The following CFAP46 variants were observed in gnomAD, a reference collection of about 807,000 sequenced individuals.
The protein encoded by CFAP46 is cilia and flagella associated protein 46, also known as cilia- and flagella-associated protein 46.
Under a neutral mutation model 325.7 loss-of-function variants are expected in CFAP46, and 245 were observed. The observed-to-expected ratio is 0.75, with a 90% CI of 0.68 to 0.84. The LOEUF (loss-of-function observed/expected upper bound fraction) is 0.84. Among genes scored for constraint, CFAP46 ranks in the 40% least tolerant of loss-of-function variants. The pLI is 0.00. For synonymous variants in CFAP46, 1,523 were observed against 1,495.9 expected (o/e 1.02, Z -0.42); for missense variants, 3,346 against 3,543.0 (o/e 0.94, Z 1.41).
intron 39 of CFAP46, among the ~76,000 whole-genome samples, chr10:132,855,036 C>G (rs1848620804): frequency 6.6e-6 from 1 of 151,970 alleles, no homozygotes; most frequent in Non-Finnish European, 1.5e-5. Context: ...ATCTTCAGGT[C>G]ATATTGGTTG....
At chr10:132,916,950 C>T (rs1225722687) in intron 16 of CFAP46, among the ~76,000 whole-genome samples, 1 of 152,222 alleles carries the variant, frequency 6.6e-6, no homozygotes, top group Non-Finnish European at 1.5e-5. Flanking sequence ...CCAGCAGCCC[C>T]GAAGGACCAA....
Position 132,827,375 on chromosome 10 carries a change from G to T in CFAP46, c.7117+5983C>A, listed in dbSNP as rs375003939. On this transcript the variant is annotated intron_variant, in intron 50 of 57. Coordinates refer to ENST00000368586, the MANE Select transcript of CFAP46 (RefSeq NM_001200049.3). The surrounding 1 kb of genome is among the most constrained non-coding windows in gnomAD (Gnocchi z 5.7). ...CTCCTGGGCCTGGAGGAGCCTCCCT[G>T]GGACACGGTGCCTGCAGGGCCCTCT... Among the ~76,000 whole-genome samples the T allele has an allele frequency of 6.7e-4, 102 of 152,256 alleles. No individual in the cohort carries two copies. The South Asian group carries it at 0.02, about 29-fold the overall frequency.
intron 8 of CFAP46, 35 bp from the exon 9 acceptor site, chr10:132,929,839 T>C (rs764111093): frequency 2.6e-6 from 4 of 1,527,146 alleles, no homozygotes; most frequent in South Asian, 1.2e-5. Flanking sequence ...ACCGGCTCAA[T>C]AGGGGGCACA....
At chr10:132,929,630 CT>C in intron 9 of CFAP46, 74 bp downstream of exon 9, 1 of 1,414,028 alleles carries the variant, frequency 7.1e-7, no homozygotes, top group Non-Finnish European at 1.0e-6. Flanking sequence ...ACTGCTCTTC[CT>C]TTCTTTGCCT....
chr10:132,894,856 T>G (rs748430104), intron 24 of CFAP46, among the ~76,000 whole-genome samples: 1 of 152,190 alleles, frequency 6.6e-6, no homozygotes, highest in Non-Finnish European at 1.5e-5. Flanking sequence ...CTATATGGCT[T>G]CATCAGTGAC....
intron 9 of CFAP46, chr10:132,929,142 T>G: frequency 3.9e-6 from 1 of 257,932 alleles, no homozygotes; most frequent in Non-Finnish European, 7.5e-6. Flanking sequence ...TATACTGTGA[T>G]TTTTCTAGAC....
chr10:132,912,429 C>G (rs1849559098), intron 19 of CFAP46, among the ~76,000 whole-genome samples: 1 of 119,810 alleles, frequency 8.3e-6, no homozygotes, highest in Non-Finnish European at 1.8e-5. Context: ...TCTCTCTCAC[C>G]TCCCTCTCTC....
intron 19 of CFAP46, 32 bp downstream of exon 19, chr10:132,912,623 C>CTCCTCTCTCCTCTCTCTCTT: frequency 6.5e-7 from 1 of 1,540,982 alleles, no homozygotes; most frequent in Non-Finnish European, 8.7e-7. Flanking sequence ...CTCTCTCTCT[C>CTCCTCTCTCCTCTCTCTCTT]TCTCTCTCTC....
chr10:132,935,605 TC>T (rs1254574318), intron 7 of CFAP46, among the ~76,000 whole-genome samples: 1 of 132,000 alleles, frequency 7.6e-6, no homozygotes, highest in Non-Finnish European at 1.6e-5. Context: ...TGTGATCTCC[TC>T]GCTCCCCTCG....
At chr10:132,940,709 T>C (rs1053954416) in intron 4 of CFAP46, among the ~76,000 whole-genome samples, 3 of 152,114 alleles carry the variant, frequency 2.0e-5, no homozygotes, top group Non-Finnish European at 2.9e-5. Context: ...TCCCCAGCAG[T>C]TGGGATTACA....
At position 132,919,423 on chromosome 10, in the gene CFAP46, G is replaced by C; in HGVS notation, c.1750C>G (p.Leu584Val). ...CCTTGTTTCCGGGCCACTTTGGCCA[G>C]CTCTGCCCAAATCTGTATCCTGCTC... ...DKERIQIWAELAKVARKQGVW... is the reference protein window; with the variant it reads ...DKERIQIWAEVAKVARKQGVW... Residue 584 changes from leucine (L) to valine (V), a missense_variant, in exon 15 of 58, where the codon CTG becomes GTG. Coordinates refer to ENST00000368586, the MANE Select transcript of CFAP46 (RefSeq NM_001200049.3). The surrounding 1 kb of genome is among the most constrained non-coding windows in gnomAD (Gnocchi z 9.7). 6.5e-7 allele frequency: 1 copy of C among 1,550,038 alleles called. No individual in the cohort carries two copies. Among genetic ancestry groups the C allele is most frequent in the Non-Finnish European group, 8.7e-7 (1 of 1,146,880 alleles).
chr10:132,854,368 G>A (rs562717793), intron 39 of CFAP46, among the ~76,000 whole-genome samples: 64 of 143,404 alleles, frequency 4.5e-4, no homozygotes, highest in African/African-American at 7.4e-4. Flanking sequence ...ATGGAGTTTC[G>A]CTCTGTCGCC....
chr10:132,850,904 C>T (rs1488416183), intron 40 of CFAP46, among the ~76,000 whole-genome samples: 4 of 152,118 alleles, frequency 2.6e-5, no homozygotes, highest in African/African-American at 9.7e-5. Context: ...ATAGGAAACA[C>T]CCCTGCAATG....
chr10:132,922,443 G>A (rs1849738899), intron 12 of CFAP46, 37 bp downstream of exon 12: 3 of 1,510,074 alleles, frequency 2.0e-6, no homozygotes, highest in African/African-American at 2.8e-5. Flanking sequence ...TGCTGGGGCT[G>A]CAGCACCCAG....
At position 132,832,418 on chromosome 10, in the gene CFAP46, A is replaced by C. The variant is rs2134988053; in HGVS notation, c.7117+940T>G. Reference sequence around the variant, plus strand: ...CCCCCCCCAATGCTGTGGCCTGGAAATTCCCCAGAGAGTAAGACCTGGGTG... The same window carrying C: ...CCCCCCCCAATGCTGTGGCCTGGAACTTCCCCAGAGAGTAAGACCTGGGTG... On this transcript the variant is annotated intron_variant, in intron 50 of 57. Transcript: ENST00000368586. This position sits in a 1 kb window ranked among gnomAD's most constrained non-coding sequence, Gnocchi z 4.1. Among the ~76,000 whole-genome samples the C allele has an allele frequency of 7.4e-6, 1 of 134,430 alleles. No homozygotes were observed. The highest frequency in any genetic ancestry group is 2.8e-5 in the African/African-American group (1 of 36,118). 88.2% of individuals were successfully genotyped at this position (134,430 alleles called of 152,430 possible). A position where few individuals can be genotyped will look rare whatever the true frequency, so the allele number is the denominator to read the frequency against.
In CFAP46 at chr10:132,828,538, C is replaced by A. The variant is rs931714600; in HGVS notation, c.7117+4820G>T. Among the ~76,000 whole-genome samples the A allele has an allele frequency of 2.0e-5, 3 of 152,016 alleles. No individual in the cohort carries two copies. Among genetic ancestry groups the A allele is most frequent in the African/African-American group, 7.3e-5 (3 of 41,378 alleles). On this transcript the variant is annotated intron_variant, in intron 50 of 57. Transcript: ENST00000368586. The surrounding 1 kb of genome is among the most constrained non-coding windows in gnomAD (Gnocchi z 4.9). ...GTTCAAATCTTTTTTAGGGTTGTTT[C>A]TTTCTTATTATTCAGTTTTGAGAGT...
At chr10:132,875,249 C>T (rs188854870) in intron 31 of CFAP46, among the ~76,000 whole-genome samples, 10 of 152,164 alleles carry the variant, frequency 6.6e-5, no homozygotes, top group African/African-American at 1.2e-4. Flanking sequence ...AGAAGACCTA[C>T]GTCAATGGAG....
Position 132,938,685 on chromosome 10 carries a change from C to G in CFAP46, c.440G>C (p.Gly147Ala), listed in dbSNP as rs1235887182. ...WQMVRPFLKP[G>A]YRHHLIPSLS... is the part of the protein sequence containing the mutation. Reference sequence around the variant, plus strand: ...GCTGGGGATCAGATGGTGACGATATCCAGGCTTGAGGAACGGCCTCACCAT... The same window carrying G: ...GCTGGGGATCAGATGGTGACGATATGCAGGCTTGAGGAACGGCCTCACCAT... Residue 147 changes from glycine (G) to alanine (A), a missense_variant, in exon 5 of 58, where the codon GGA becomes GCA. By Grantham distance (60) the Gly-to-Ala change is moderately conservative. Coordinates refer to ENST00000368586, the MANE Select transcript of CFAP46 (RefSeq NM_001200049.3). The G allele has an allele frequency of 7.4e-6, 12 of 1,613,540 alleles. No individual in the cohort carries two copies. The highest frequency in any genetic ancestry group is 1.0e-5 in the Non-Finnish European group (12 of 1,179,934).
intron 33 of CFAP46, among the ~76,000 whole-genome samples, chr10:132,868,220 C>T (rs1434461884): frequency 6.6e-6 from 1 of 152,248 alleles, no homozygotes; most frequent in Admixed American, 6.5e-5. Context: ...CAGCACACCA[C>T]ATCGCGCTGG....
Sources: allele counts gnomAD v4.1 joint callset (sites outside exome capture counted in the v4.1 genomes callset), GRCh38; gene constraint gnomAD v4.1.1; non-coding constraint Gnocchi (gnomAD v3.1); transcripts MANE v1.5; gene names NCBI Gene and HGNC (gene_info 2026-07-23, HGNC 2026-07-21).